Variants in TIGD1 observed in about 807,000 individuals in gnomAD.
TIGD1 encodes the protein tigger transposable element-derived protein 1.
Under a neutral mutation model 21.3 loss-of-function variants are expected in TIGD1, and 20 were observed. That is an observed-to-expected ratio of 0.94 (90% CI 0.66 to 1.36). The LOEUF (loss-of-function observed/expected upper bound fraction) is 1.36, where lower values mean the gene tolerates loss of function less well. TIGD1 is among the 40% of genes most tolerant of loss of function. The pLI is 0.00. For missense variants in TIGD1, 556 were observed against 350.5 expected (o/e 1.59, Z -4.68); for synonymous variants, 177 against 123.2 (o/e 1.44, Z -2.89).
rs1229977762 is a variant in TIGD1, at chr2:232,549,333, A to C, written c.550T>G (p.Phe184Val). The C allele has an allele frequency of 1.5e-6, 1 of 661,110 alleles. No individual in the cohort carries two copies. Among genetic ancestry groups the C allele is most frequent in the South Asian group, 1.7e-5 (1 of 58,704 alleles). 41.0% of individuals were successfully genotyped at this position (661,110 alleles called of 1,614,324 possible). A position where few individuals can be genotyped will look rare whatever the true frequency, so the allele number is the denominator to read the frequency against. ...DEGGYTKQQIFNVDETAFYWK... is the reference protein window; with the variant it reads ...DEGGYTKQQIVNVDETAFYWK... ...TAGAAGGCTGTTTCATCTACATTGA[A>C]AATCTGTTGTTTAGTGTAGCCACCT... The change falls in exon 1 of 1, where the codon TTC becomes GTC. Residue 184 changes from phenylalanine to valine, a missense_variant. By Grantham distance (50) the Phe-to-Val change is conservative. Transcript: ENST00000408957.
Position 232,549,939 on chromosome 2 carries a change from G to A in TIGD1, c.-57C>T, listed in dbSNP as rs771576893. 2.2e-4 allele frequency: 222 copies of A among 1,007,528 alleles called. No individual in the cohort carries two copies. Among genetic ancestry groups the A allele is most frequent in the Middle Eastern group, 1.3e-3 (4 of 3,106 alleles). 62.4% of individuals were successfully genotyped at this position (1,007,528 alleles called of 1,614,324 possible). ...TTGTTGTGTCTCAGGGAATAGGGAG[G>A]CCCAAGAAGAGGGAGAGAGATGGGG... On this transcript the variant is annotated 5_prime_UTR_variant, in exon 1 of 1. Transcript: ENST00000408957.
Position 232,547,432 on chromosome 2 carries a change from A to G in TIGD1, c.*675T>C, listed in dbSNP as rs541727035. Among the ~76,000 whole-genome samples the G allele has an allele frequency of 1.3e-5, 2 of 152,218 alleles. No homozygotes were observed. The highest frequency in any genetic ancestry group is 2.9e-5 in the Non-Finnish European group (2 of 68,038). Reference sequence around the variant, plus strand: ...ACCCTGTCTCAAAAAAAATAAAAAAATTACAAAACTGAAAAAAGAAAAGTG... The same window carrying G: ...ACCCTGTCTCAAAAAAAATAAAAAAGTTACAAAACTGAAAAAAGAAAAGTG... On this transcript the variant is annotated 3_prime_UTR_variant, in exon 1 of 1. Transcript: ENST00000408957.
chr2:232,548,326 C>A lies in TIGD1; in HGVS notation c.1557G>T (p.Val519=). 1 of 1,434,050 alleles carries A rather than the reference C, an allele frequency of 7.0e-7. No individual in the cohort carries two copies. Among genetic ancestry groups the A allele is most frequent in the Non-Finnish European group, 9.4e-7 (1 of 1,066,334 alleles). The allele number at this position is 1,434,050 out of a possible 1,614,324, so 88.8% of individuals were successfully genotyped here. ...IDSNFERSST[V]GKMLSNSIAC... ...CGATGCTGTTTGATAGCATTTTGCCCACAGTAGAGCTTCTTTCAAAATTGG... is the reference window on the plus strand; with the variant it reads ...CGATGCTGTTTGATAGCATTTTGCCAACAGTAGAGCTTCTTTCAAAATTGG... The change falls in exon 1 of 1, where the codon GTG becomes GTT. Residue 519 remains valine, a synonymous_variant. Coordinates refer to ENST00000408957, the MANE Select transcript of TIGD1 (RefSeq NM_145702.4).
At position 232,548,062 on chromosome 2, in the gene TIGD1, C is replaced by G; in HGVS notation, c.*45G>C. The G allele has an allele frequency of 1.7e-6, 1 of 586,058 alleles. No individual in the cohort carries two copies. Among genetic ancestry groups the G allele is most frequent in the Non-Finnish European group, 3.0e-6 (1 of 336,272 alleles). 36.3% of individuals were successfully genotyped at this position (586,058 alleles called of 1,614,324 possible). A position where few individuals can be genotyped will look rare whatever the true frequency, so the allele number is the denominator to read the frequency against. ...TAGCATTGTCTAATAAAACAATATA[C>G]ATACCTAAATTTAAAAATACTTTAT... On this transcript the variant is annotated 3_prime_UTR_variant, in exon 1 of 1. Transcript: ENST00000408957.
chr2:232,545,449 G>T lies in TIGD1; in HGVS notation c.*2658C>A. The T allele has an allele frequency of 8.7e-7, 1 of 1,144,086 alleles. No homozygotes were observed. Among genetic ancestry groups the T allele is most frequent in the South Asian group, 1.3e-5 (1 of 76,156 alleles). 70.9% of individuals were successfully genotyped at this position (1,144,086 alleles called of 1,614,324 possible). On this transcript the variant is annotated 3_prime_UTR_variant, in exon 1 of 1. Transcript: ENST00000408957. ...GGTAAGAAGGGCCCCAGGAAATGGA[G>T]ACATGGGCCTGCTGGAAGCCCAAGG... is the stretch of plus-strand genomic sequence containing the variant.
Position 232,548,133 on chromosome 2 carries a change from C to A in TIGD1, c.1750G>T (p.Val584Leu). Residue 584 changes from valine to leucine, a missense_variant, in exon 1 of 1, where the codon GTA (valine) becomes TTA (leucine). Physicochemically the swap from Val to Leu is conservative, Grantham distance 32 (BLOSUM62 1). Transcript: ENST00000408957. ...CAATCTGAGCCTTCGGTGAGTCGTA[C>A]TCTTTTTGCTGGTGGAGGGTCTTGC... ...SRQDPPPAKRVRLTEGSD is the reference protein window; with the variant it reads ...SRQDPPPAKRLRLTEGSD 1 of 951,562 alleles carries A rather than the reference C, an allele frequency of 1.1e-6. No homozygotes were observed. The highest frequency in any genetic ancestry group is 1.5e-6 in the Non-Finnish European group (1 of 652,040). The allele number at this position is 951,562 out of a possible 1,614,324, so 58.9% of individuals were successfully genotyped here.
chr2:232,545,351 A>G lies in TIGD1; in HGVS notation c.*2756T>C, dbSNP rs1692105936. 1.4e-5 allele frequency among the ~76,000 whole-genome samples: 2 copies of G among 142,388 alleles called. No individual in the cohort carries two copies. Among genetic ancestry groups the G allele is most frequent in the Non-Finnish European group, 1.6e-5 (1 of 63,720 alleles). The allele number at this position is 142,388 out of a possible 152,430, so 93.4% of individuals were successfully genotyped here. On this transcript the variant is annotated 3_prime_UTR_variant, in exon 1 of 1. Transcript: ENST00000408957. Reference sequence around the variant, plus strand: ...AAAAAAAGGAAAGAAAGAAAGAAAAAGGAACAGGGGCAGGGGGGGCACCTC... The same window carrying G: ...AAAAAAAGGAAAGAAAGAAAGAAAAGGGAACAGGGGCAGGGGGGGCACCTC...
Position 232,548,097 on chromosome 2 carries a change from A to G in TIGD1, c.*10T>C. On this transcript the variant is annotated 3_prime_UTR_variant, in exon 1 of 1. Coordinates refer to ENST00000408957, the MANE Select transcript of TIGD1 (RefSeq NM_145702.4). ...TTTAAAAATACTTTATTGCTAAAAA[A>G]TGCTGATTATCAATCTGAGCCTTCG... The G allele has an allele frequency of 3.1e-6, 2 of 649,014 alleles. No homozygotes were observed. The highest frequency in any genetic ancestry group is 5.1e-6 in the Non-Finnish European group (2 of 392,682). 40.2% of individuals were successfully genotyped at this position (649,014 alleles called of 1,614,324 possible). A position where few individuals can be genotyped will look rare whatever the true frequency, so the allele number is the denominator to read the frequency against.
rs962550391 is a variant in TIGD1 at position 232,545,420 on chromosome 2, C to T, written c.*2687G>A. 1.1e-6 allele frequency: 1 copy of T among 903,500 alleles called. No homozygotes were observed. Among genetic ancestry groups the T allele is most frequent in the Non-Finnish European group, 1.8e-6 (1 of 570,882 alleles). 56.0% of individuals were successfully genotyped at this position (903,500 alleles called of 1,614,324 possible). On this transcript the variant is annotated 3_prime_UTR_variant, in exon 1 of 1. Transcript: ENST00000408957. ...AATTAGCCACCAGTTGGGACCCGGA[C>T]ATAGGTAAGAAGGGCCCCAGGAAAT...
chr2:232,549,328 A>G lies in TIGD1; in HGVS notation c.555T>C (p.Asn185=), dbSNP rs1295234021. ...TCCAATAGAAGGCTGTTTCATCTAC[A>G]TTGAAAATCTGTTGTTTAGTGTAGC... ...EGGYTKQQIF[N]VDETAFYWKK... Residue 185 remains asparagine, a synonymous_variant, in exon 1 of 1, where the codon AAT becomes AAC. Transcript: ENST00000408957. 5 of 662,936 alleles carry G rather than the reference A, an allele frequency of 7.5e-6. No homozygotes were observed. Among genetic ancestry groups the G allele is most frequent in the South Asian group, 5.1e-5 (3 of 59,150 alleles). 41.1% of individuals were successfully genotyped at this position (662,936 alleles called of 1,614,324 possible). A position where few individuals can be genotyped will look rare whatever the true frequency, so the allele number is the denominator to read the frequency against.
chr2:232,545,674 A>G lies in TIGD1; in HGVS notation c.*2433T>C. On this transcript the variant is annotated 3_prime_UTR_variant, in exon 1 of 1. Coordinates refer to ENST00000408957, the MANE Select transcript of TIGD1 (RefSeq NM_145702.4). Reference sequence around the variant, plus strand: ...ACTACAACCGGGTGCCGGCCCTGCCATTCCCTGGAGATCCACGCCCCTACC... The same window carrying G: ...ACTACAACCGGGTGCCGGCCCTGCCGTTCCCTGGAGATCCACGCCCCTACC... 1 of 1,614,152 alleles carries G rather than the reference A, an allele frequency of 6.2e-7. No individual in the cohort carries two copies.
In TIGD1 at chr2:232,550,265, T is replaced by G; in HGVS notation, c.-383A>C. 1 of 288,770 alleles carries G rather than the reference T, an allele frequency of 3.5e-6. No homozygotes were observed. The highest frequency in any genetic ancestry group is 7.3e-5 in the East Asian group (1 of 13,692). 17.9% of individuals were successfully genotyped at this position (288,770 alleles called of 1,614,324 possible). A position where few individuals can be genotyped will look rare whatever the true frequency, so the allele number is the denominator to read the frequency against. ...TTCAGAATGCCCTATCTGCGAAGCG[T>G]AATAAAACGAGGTATGCCATAGTAC... On this transcript the variant is annotated 5_prime_UTR_variant, in exon 1 of 1. Coordinates refer to ENST00000408957, the MANE Select transcript of TIGD1 (RefSeq NM_145702.4).
In TIGD1 at chr2:232,545,663, C is replaced by T; in HGVS notation, c.*2444G>A. 6.2e-7 allele frequency: 1 copy of T among 1,614,144 alleles called. No individual in the cohort carries two copies. Among genetic ancestry groups the T allele is most frequent in the Non-Finnish European group, 8.5e-7 (1 of 1,180,024 alleles). On this transcript the variant is annotated 3_prime_UTR_variant, in exon 1 of 1. Coordinates refer to ENST00000408957, the MANE Select transcript of TIGD1 (RefSeq NM_145702.4). ...CCTCATGGCCCACTACAACCGGGTG[C>T]CGGCCCTGCCATTCCCTGGAGATCC...
In TIGD1 at chr2:232,544,358, CCT is replaced by C. The variant is rs3217418; in HGVS notation, c.*3747_*3748del. On this transcript the variant is annotated 3_prime_UTR_variant, in exon 1 of 1. Coordinates refer to ENST00000408957, the MANE Select transcript of TIGD1 (RefSeq NM_145702.4). ...GCCTGCTGCCCTAGTGAAGCCACCC[CCT>C]CTCTAGGTGTTCCTGAGGCTCTTGC... 4.4e-4 allele frequency: 715 copies of C among 1,610,966 alleles called. 6 individuals carry two copies. In the East Asian group the frequency reaches 7.9e-3, roughly 18 times the overall value.
rs1692150340 is a variant in TIGD1, at chr2:232,547,304, G to C, written c.*803C>G. On this transcript the variant is annotated 3_prime_UTR_variant, in exon 1 of 1. Coordinates refer to ENST00000408957, the MANE Select transcript of TIGD1 (RefSeq NM_145702.4). Reference sequence around the variant, plus strand: ...GTGGTGATGCATGCCTGTAGTCCCAGTTACTCGGGAGGCTGAGGTGGGAGG... The same window carrying C: ...GTGGTGATGCATGCCTGTAGTCCCACTTACTCGGGAGGCTGAGGTGGGAGG... Among the ~76,000 whole-genome samples the C allele has an allele frequency of 6.6e-6, 1 of 152,172 alleles. No homozygotes were observed. Among genetic ancestry groups the C allele is most frequent in the Non-Finnish European group, 1.5e-5 (1 of 68,032 alleles).
In TIGD1 at chr2:232,549,771, G is replaced by C. The variant is rs1009811859; in HGVS notation, c.112C>G (p.Arg38Gly). ...GTTTGCCGCAGGAGGCCTAGCCTTC[G>C]GCCTATCTCGGCTTTTGACATACCT... ...EEGMSKAEIG[R>G]RLGLLRQTVS... is the part of the protein sequence containing the mutation. Residue 38 changes from arginine to glycine, a missense_variant, in exon 1 of 1, where the codon CGA becomes GGA. By Grantham distance (125) the Arg-to-Gly change is moderately radical (BLOSUM62 -2). Transcript: ENST00000408957. The C allele has an allele frequency of 9.9e-6, 15 of 1,516,114 alleles. No individual in the cohort carries two copies. The highest frequency in any genetic ancestry group is 2.5e-5 in the East Asian group (1 of 40,758). 93.9% of individuals were successfully genotyped at this position (1,516,114 alleles called of 1,614,324 possible). A position where few individuals can be genotyped will look rare whatever the true frequency, so the allele number is the denominator to read the frequency against.
Position 232,546,011 on chromosome 2 carries a change from G to A in TIGD1, c.*2096C>T. The stretch of plus-strand genomic sequence containing the variant: ...AGTGCACTCCCCTCACTTAGGCAAA[G>A]CATTATTCATTCCCATCAGTCTGAA... On this transcript the variant is annotated 3_prime_UTR_variant, in exon 1 of 1. Coordinates refer to ENST00000408957, the MANE Select transcript of TIGD1 (RefSeq NM_145702.4). 1.9e-6 allele frequency: 1 copy of A among 525,894 alleles called. No homozygotes were observed. Among genetic ancestry groups the A allele is most frequent in the South Asian group, 2.0e-5 (1 of 50,254 alleles). The allele number at this position is 525,894 out of a possible 1,614,324, so 32.6% of individuals were successfully genotyped here. A position where few individuals can be genotyped will look rare whatever the true frequency, so the allele number is the denominator to read the frequency against.
rs1692155647 is a variant in TIGD1, at chr2:232,547,625, A to C, written c.*482T>G. On this transcript the variant is annotated 3_prime_UTR_variant, in exon 1 of 1. Transcript: ENST00000408957. The stretch of plus-strand genomic sequence containing the variant: ...GTCTGTGCATGCACAGTGTGTTTGA[A>C]GCAAGAGCAGAGTCAGAGCTATAGA... 6.6e-6 allele frequency among the ~76,000 whole-genome samples: 1 copy of C among 152,164 alleles called. No individual in the cohort carries two copies. Among genetic ancestry groups the C allele is most frequent in the Non-Finnish European group, 1.5e-5 (1 of 68,028 alleles).
At position 232,545,903 on chromosome 2, in the gene TIGD1, G is replaced by A. The variant is rs1348539359; in HGVS notation, c.*2204C>T. 3 of 717,880 alleles carry A rather than the reference G, an allele frequency of 4.2e-6. No homozygotes were observed. In the East Asian group the frequency reaches 8.1e-5, roughly 19 times the overall value. 44.5% of individuals were successfully genotyped at this position (717,880 alleles called of 1,614,324 possible). ...AGCTGGAGTCCGAGAGTGGTTGGGGGTGGGCCGTGGCTAGTGTCCTGCTGC... is the reference window on the plus strand; with the variant it reads ...AGCTGGAGTCCGAGAGTGGTTGGGGATGGGCCGTGGCTAGTGTCCTGCTGC... On this transcript the variant is annotated 3_prime_UTR_variant, in exon 1 of 1. Transcript: ENST00000408957.
Sources: allele counts gnomAD v4.1 joint callset (sites outside exome capture counted in the v4.1 genomes callset), GRCh38; gene constraint gnomAD v4.1.1; transcripts MANE v1.5; gene names NCBI Gene and HGNC (gene_info 2026-07-23, HGNC 2026-07-21).